The following BCKDK variants were observed in gnomAD, a reference collection of about 807,000 sequenced individuals.
BCKDK encodes branched chain keto acid dehydrogenase kinase.
BCKDK carries 28 observed loss-of-function variants against 43.9 expected under a neutral mutation model. The ratio of observed to expected loss-of-function variants is 0.64; its 90% confidence interval spans 0.47 to 0.87. The LOEUF (loss-of-function observed/expected upper bound fraction) is 0.87, where lower values mean the gene tolerates loss of function less well. BCKDK is among the 40% of genes least tolerant of loss of function. BCKDK has a pLI of 0.00. For missense variants in BCKDK, 483 were observed against 581.4 expected, an observed-to-expected ratio of 0.83 and a Z score of 1.74; for synonymous variants, 257 against 234.3, an observed-to-expected ratio of 1.10 and a Z score of -0.88.
chr16:31,111,009 G>T, intron 8 of BCKDK, 82 bp from the exon 9 acceptor site: 1 of 1,581,086 alleles, frequency 6.3e-7, no homozygotes, highest in Non-Finnish European at 8.6e-7. Flanking sequence ...ATTGCCATAT[G>T]TTACTTAGGG....
chr16:31,116,659 G>A (rs1174141715), downstream of BCKDK, among the ~76,000 whole-genome samples: 31 of 143,362 alleles, frequency 2.2e-4, no homozygotes, highest in Middle Eastern at 8.7e-3. Context: ...GCTCACGCCT[G>A]TAACCCTAGC....
At position 31,110,472 on chromosome 16, in the gene BCKDK, G is replaced by T; in HGVS notation, c.615G>T (p.Thr205=). ...GGCTTGGAATCCGCATGTTGGCCAC[G>T]CATCACCTGGCGCTGCATGAGGACA... ...TSRLGIRMLA[T]HHLALHEDKP... Residue 205 remains threonine (T), a synonymous_variant, in exon 7 of 12, where the codon ACG becomes ACT. Coordinates refer to ENST00000219794, the MANE Select transcript of BCKDK (RefSeq NM_005881.4). The surrounding 1 kb of genome is among the most constrained non-coding windows in gnomAD (Gnocchi z 5.4). 1.9e-6 allele frequency: 3 copies of T among 1,613,592 alleles called. No individual in the cohort carries two copies. The South Asian group carries it at 3.3e-5, about 18-fold the overall frequency.
chr16:31,111,656 C>T (rs528846952), intron 10 of BCKDK, among the ~76,000 whole-genome samples: 6 of 152,086 alleles, frequency 3.9e-5, no homozygotes, highest in East Asian at 1.9e-4. Context: ...GATGCTGGGC[C>T]GAGGATAAAT....
chr16:31,109,306 G>C lies in BCKDK; in HGVS notation c.83G>C (p.Arg28Pro). 2 of 1,607,102 alleles carry C rather than the reference G, an allele frequency of 1.2e-6. No homozygotes were observed. The highest frequency in any genetic ancestry group is 1.1e-5 in the South Asian group (1 of 90,638). The change falls in exon 2 of 12, where the codon CGG becomes CCG. Residue 28 changes from arginine to proline, a missense_variant. By Grantham distance (103) the Arg-to-Pro change is moderately radical. Coordinates refer to ENST00000219794, the MANE Select transcript of BCKDK (RefSeq NM_005881.4). The surrounding 1 kb of genome is among the most constrained non-coding windows in gnomAD (Gnocchi z 5.3). ...RPLLGPALAL[R>P]ARSTSATDTH... ...CTCCTGGGACCCGCACTCGCGCTCC[G>C]GGCCCGCTCGACGTCGGCCACCGAC...
In BCKDK at chr16:31,110,843, C is replaced by T; in HGVS notation, c.716+82C>T. On this transcript the variant is annotated intron_variant, in intron 8 of 11. Transcript: ENST00000219794. This position sits in a 1 kb window ranked among gnomAD's most constrained non-coding sequence, Gnocchi z 5.4. The stretch of plus-strand genomic sequence containing the variant: ...TCTGAGCCCTTGCCCGGGGCATGAT[C>T]TGCGGGGAGCAGGGTTTCTCAACCA... The T allele has an allele frequency of 4.0e-6, 6 of 1,500,696 alleles. No homozygotes were observed. Among genetic ancestry groups the T allele is most frequent in the Non-Finnish European group, 5.6e-6 (6 of 1,079,742 alleles). The allele number at this position is 1,500,696 out of a possible 1,614,324, so 93.0% of individuals were successfully genotyped here. A position where few individuals can be genotyped will look rare whatever the true frequency, so the allele number is the denominator to read the frequency against.
chr16:31,110,301 C>T lies in BCKDK; in HGVS notation c.520C>T (p.Arg174Cys), dbSNP rs766287700. Residue 174 changes from arginine (R) to cysteine (C), a missense_variant, in exon 6 of 12, where the codon CGT becomes TGT. Coordinates refer to ENST00000219794, the MANE Select transcript of BCKDK (RefSeq NM_005881.4). This position sits in a 1 kb window ranked among gnomAD's most constrained non-coding sequence, Gnocchi z 5.4. ...DVVTLLAEGLRESRKHIEDEK... is the reference protein window; with the variant it reads ...DVVTLLAEGLCESRKHIEDEK... ...GGTGACCCTCTTGGCAGAGGGCCTA[C>T]GTGAGAGCCGGAAGCACATAGAGGT... The T allele has an allele frequency of 5.0e-6, 8 of 1,613,826 alleles. No homozygotes were observed. The highest frequency in any genetic ancestry group is 2.7e-5 in the African/African-American group (2 of 74,860).
At chr16:31,115,474 C>T (rs926021466), downstream of BCKDK, among the ~76,000 whole-genome samples, 4 of 152,072 alleles carry the variant, frequency 2.6e-5, no homozygotes, top group Non-Finnish European at 5.9e-5. Context: ...CTGCCTGCCT[C>T]GGCCTCCCAA....
chr16:31,111,751 A>C, intron 10 of BCKDK, 118 bp from the exon 11 acceptor site: 1 of 1,379,808 alleles, frequency 7.2e-7, no homozygotes. Flanking sequence ...GTCTAGGTGG[A>C]CCACATTCCA....
chr16:31,116,780 G>A (rs1200844590), downstream of BCKDK, among the ~76,000 whole-genome samples: 2 of 151,598 alleles, frequency 1.3e-5, no homozygotes. Flanking sequence ...AGCCGGGCGT[G>A]GTGGCGCGCG....
Position 31,109,283 on chromosome 16 carries a change from C to A in BCKDK, c.60C>A (p.Leu20=). The change falls in exon 2 of 12, where the codon CTC becomes CTA. Residue 20 remains leucine, a synonymous_variant. Transcript: ENST00000219794. The surrounding 1 kb of genome is among the most constrained non-coding windows in gnomAD (Gnocchi z 5.3). ...GGGGCGGGCTTCCGCTCCGGCCCCT[C>A]CTGGGACCCGCACTCGCGCTCCGGG... The part of the protein sequence containing the change: ...GPGGGLPLRP[L]LGPALALRAR... 6.3e-7 allele frequency: 1 copy of A among 1,599,504 alleles called. No homozygotes were observed. The highest frequency in any genetic ancestry group is 8.5e-7 in the Non-Finnish European group (1 of 1,172,960).
At position 31,110,145 on chromosome 16, in the gene BCKDK, G is replaced by C; in HGVS notation, c.423+21G>C. ...CTCCGGTGAGTGCTGGGCCAGAGCA[G>C]GGTGAGGGGCTGAGAGGTTGGGCTT... is the stretch of plus-strand genomic sequence containing the variant. On this transcript the variant is annotated intron_variant, in intron 5 of 11. Coordinates refer to ENST00000219794, the MANE Select transcript of BCKDK (RefSeq NM_005881.4). The surrounding 1 kb of genome is among the most constrained non-coding windows in gnomAD (Gnocchi z 5.4). The C allele has an allele frequency of 6.2e-7, 1 of 1,614,216 alleles. No individual in the cohort carries two copies. The highest frequency in any genetic ancestry group is 8.5e-7 in the Non-Finnish European group (1 of 1,180,040).
At position 31,110,617 on chromosome 16, in the gene BCKDK, G is replaced by GC; in HGVS notation, c.643-71_643-70insC. 4 of 1,592,738 alleles carry GC rather than the reference G, an allele frequency of 2.5e-6. No homozygotes were observed. Among genetic ancestry groups the GC allele is most frequent in the Non-Finnish European group, 2.6e-6 (3 of 1,160,962 alleles). The stretch of plus-strand genomic sequence containing the variant: ...GCTGTGGGGCTGGTGCTTTGGGGCA[G>GC]TTCCGAAGTTGCCAGCATCTTGGGG... On this transcript the variant is annotated intron_variant, in intron 7 of 11. Coordinates refer to ENST00000219794, the MANE Select transcript of BCKDK (RefSeq NM_005881.4). The surrounding 1 kb of genome is among the most constrained non-coding windows in gnomAD (Gnocchi z 5.4).
In BCKDK at chr16:31,111,282, T is replaced by C; in HGVS notation, c.846-18T>C. 1.2e-6 allele frequency: 2 copies of C among 1,614,118 alleles called. No individual in the cohort carries two copies. The highest frequency in any genetic ancestry group is 1.3e-5 in the African/African-American group (1 of 75,042). Reference sequence around the variant, plus strand: ...GAACCGGGGTGCTTGTACCTACTGGTCTTTCCCCTCTGCATAGAGCCACAA... The same window carrying C: ...GAACCGGGGTGCTTGTACCTACTGGCCTTTCCCCTCTGCATAGAGCCACAA... On this transcript the variant is annotated intron_variant, in intron 9 of 11. Transcript: ENST00000219794.
At position 31,109,630 on chromosome 16, in the gene BCKDK, C is replaced by T; in HGVS notation, c.265-43C>T. 6.2e-7 allele frequency: 1 copy of T among 1,613,518 alleles called. No individual in the cohort carries two copies. Among genetic ancestry groups the T allele is most frequent in the Non-Finnish European group, 8.5e-7 (1 of 1,179,516 alleles). On this transcript the variant is annotated intron_variant, in intron 3 of 11. Transcript: ENST00000219794. This position sits in a 1 kb window ranked among gnomAD's most constrained non-coding sequence, Gnocchi z 5.3. ...TCGTGGATCCTGGAGCTCTCCCAGA[C>T]ACTCAGGCTCCAGCCCCGCCTTCCC... is the stretch of plus-strand genomic sequence containing the variant.
At chr16:31,113,351 A>C (rs2143949544), downstream of BCKDK, among the ~76,000 whole-genome samples, 1 of 152,354 alleles carries the variant, frequency 6.6e-6, no homozygotes, top group South Asian at 2.1e-4. Context: ...CTAGGAAACC[A>C]CAGTGACTTG....
intron 10 of BCKDK, 139 bp from the exon 11 acceptor site, chr16:31,111,730 A>C: frequency 8.7e-7 from 1 of 1,155,268 alleles, no homozygotes; most frequent in Non-Finnish European, 1.2e-6. Context: ...TGATATAAAC[A>C]AGGCCCAAGG....
downstream of BCKDK, among the ~76,000 whole-genome samples, chr16:31,113,514 C>G (rs1294382028): frequency 1.3e-5 from 2 of 152,164 alleles, no homozygotes; most frequent in Admixed American, 1.3e-4. Context: ...GGGTCTTGCT[C>G]TGTTGCCCAG....
chr16:31,116,528 G>A (rs1489679620), downstream of BCKDK, among the ~76,000 whole-genome samples: 2 of 151,948 alleles, frequency 1.3e-5, no homozygotes, highest in Non-Finnish European at 2.9e-5. Context: ...TTTATCCTGT[G>A]AGGGTGAATT....
rs759341581 is a variant in BCKDK, at chr16:31,112,099, C to A, written c.1095-22C>A. On this transcript the variant is annotated intron_variant, in intron 11 of 11. Transcript: ENST00000219794. This position sits in a 1 kb window ranked among gnomAD's most constrained non-coding sequence, Gnocchi z 5.0. ...ACTCAAGCCTCTGAAGCCTCCTGTC[C>A]TGTCCCCCTGCCCACCCCCAGCTTT... 7.5e-6 allele frequency: 12 copies of A among 1,607,460 alleles called. No individual in the cohort carries two copies. The highest frequency in any genetic ancestry group is 1.0e-5 in the Non-Finnish European group (12 of 1,175,990).
Sources: allele counts gnomAD v4.1 joint callset (sites outside exome capture counted in the v4.1 genomes callset), GRCh38; gene constraint gnomAD v4.1.1; non-coding constraint Gnocchi (gnomAD v3.1); transcripts MANE v1.5; gene names NCBI Gene and HGNC (gene_info 2026-07-23, HGNC 2026-07-21).